The following CACHD1 variants were observed in gnomAD, a reference collection of about 807,000 sequenced individuals.
CACHD1 encodes cache domain containing 1.
Under a neutral mutation model 138.7 loss-of-function variants are expected in CACHD1, and 71 were observed. That is an observed-to-expected ratio of 0.51 (90% CI 0.42 to 0.62). The LOEUF (loss-of-function observed/expected upper bound fraction) is 0.62, where lower values mean the gene tolerates loss of function less well. Ranked by LOEUF, CACHD1 falls within the 20% of genes least tolerant of loss-of-function variation. The pLI, the probability that CACHD1 is intolerant of heterozygous loss-of-function variation, is 0.00. For synonymous variants in CACHD1, 578 were observed against 591.5 expected, an observed-to-expected ratio of 0.98 and a Z score of 0.33; for missense variants, 1,389 against 1,625.3, an observed-to-expected ratio of 0.85 and a Z score of 2.50.
chr1:64,471,600 C>A (rs1042192503), intron 1 of CACHD1, among the ~76,000 whole-genome samples: 3 of 152,224 alleles, frequency 2.0e-5, no homozygotes, highest in Non-Finnish European at 4.4e-5. Context: ...TGGGTAGACT[C>A]CCGACTCTAA....
At chr1:64,613,864 C>T (rs1647613525) in intron 4 of CACHD1, among the ~76,000 whole-genome samples, 1 of 152,162 alleles carries the variant, frequency 6.6e-6, no homozygotes. Context: ...CTGGTGAATT[C>T]ACAATCTCTA....
chr1:64,530,035 G>T (rs1232412651), intron 1 of CACHD1, among the ~76,000 whole-genome samples: 1 of 152,196 alleles, frequency 6.6e-6, no homozygotes, highest in East Asian at 1.9e-4. Context: ...AGATCATTTA[G>T]TGTTTACTGA....
chr1:64,630,334 C>T (rs1354827786), intron 5 of CACHD1, among the ~76,000 whole-genome samples: 1 of 144,770 alleles, frequency 6.9e-6, no homozygotes, highest in Non-Finnish European at 1.5e-5. Flanking sequence ...TGGAGTTTTG[C>T]TCTTGTTGCC....
At chr1:64,621,689 G>A (rs991342980) in intron 4 of CACHD1, among the ~76,000 whole-genome samples, 18 of 152,240 alleles carry the variant, frequency 1.2e-4, no homozygotes, top group African/African-American at 4.3e-4. Flanking sequence ...AATTTTCCCC[G>A]GCCTAAGGAT....
At chr1:64,618,527 A>C (rs2100610514) in intron 4 of CACHD1, among the ~76,000 whole-genome samples, 1 of 152,324 alleles carries the variant, frequency 6.6e-6, no homozygotes, top group Middle Eastern at 3.4e-3. Context: ...TCAAGTGTTC[A>C]ATATGCTTAC....
chr1:64,543,669 A>G (rs1369101769), intron 1 of CACHD1, among the ~76,000 whole-genome samples: 1 of 151,658 alleles, frequency 6.6e-6, no homozygotes, highest in African/African-American at 2.4e-5. Context: ...TGCCGTTTTT[A>G]TTGGGCCTTC....
At chr1:64,663,151 T>G (rs1013816323) in intron 13 of CACHD1, among the ~76,000 whole-genome samples, 3 of 149,868 alleles carry the variant, frequency 2.0e-5, no homozygotes, top group Non-Finnish European at 4.5e-5. Flanking sequence ...AGATCTCAGA[T>G]AGTTTGAAGA....
At chr1:64,663,348 C>T (rs1472762655) in intron 13 of CACHD1, among the ~76,000 whole-genome samples, 2 of 152,014 alleles carry the variant, frequency 1.3e-5, no homozygotes, top group Non-Finnish European at 2.9e-5. Context: ...GTCAGGAGAT[C>T]GAGACCATCC....
At chr1:64,550,738 C>T in intron 2 of CACHD1, 82 bp downstream of exon 2, 2 of 890,278 alleles carry the variant, frequency 2.2e-6, no homozygotes, top group Non-Finnish European at 3.7e-6. Context: ...AAGCAATCTC[C>T]ACTTGAGGTT....
chr1:64,553,608 T>C (rs1209924329), intron 2 of CACHD1, among the ~76,000 whole-genome samples: 1 of 152,192 alleles, frequency 6.6e-6, no homozygotes, highest in African/African-American at 2.4e-5. Flanking sequence ...AACATACATA[T>C]AAATAAATAT....
chr1:64,575,945 A>G (rs1230983905), intron 2 of CACHD1, among the ~76,000 whole-genome samples: 1 of 152,256 alleles, frequency 6.6e-6, no homozygotes. Context: ...TTAAGGGAAA[A>G]GAAATTCAGC....
intron 2 of CACHD1, among the ~76,000 whole-genome samples, chr1:64,566,966 G>A (rs1211412605): frequency 6.6e-6 from 1 of 152,092 alleles, no homozygotes; most frequent in Non-Finnish European, 1.5e-5. Flanking sequence ...TAAATGGTAT[G>A]TGTTGCCTCC....
intron 1 of CACHD1, among the ~76,000 whole-genome samples, chr1:64,513,397 A>G (rs1646436308): frequency 6.6e-6 from 1 of 152,242 alleles, no homozygotes; most frequent in East Asian, 1.9e-4. Flanking sequence ...GCTGTAAGCC[A>G]TAGAGCTATA....
intron 8 of CACHD1, among the ~76,000 whole-genome samples, chr1:64,642,663 C>T (rs553463117): frequency 5.7e-4 from 87 of 152,246 alleles, no homozygotes; most frequent in Middle Eastern, 3.4e-3. Flanking sequence ...TGTATCTCTC[C>T]GCCTGTTAAT....
chr1:64,541,159 C>T (rs903833353), intron 1 of CACHD1, among the ~76,000 whole-genome samples: 3 of 152,118 alleles, frequency 2.0e-5, no homozygotes, highest in Admixed American at 6.5e-5. Context: ...GTTGAGTACC[C>T]AACCAAAATA....
intron 2 of CACHD1, among the ~76,000 whole-genome samples, chr1:64,555,668 G>A (rs754328977): frequency 3.6e-4 from 55 of 151,938 alleles, no homozygotes; most frequent in Non-Finnish European, 6.9e-4. Flanking sequence ...TGATCTGTCC[G>A]CCTCAGTCTC....
Position 64,658,686 on chromosome 1 carries a change from T to A in CACHD1, c.1783-19T>A. On this transcript the variant is annotated intron_variant, in intron 12 of 26. Coordinates refer to ENST00000651257, the MANE Select transcript of CACHD1 (RefSeq NM_020925.4). ...AACCCTCATTTTCTAGGTCAGAAAT[T>A]CTTTATTGATTTTTACAGGTACAAG... 2 of 1,582,668 alleles carry A rather than the reference T, an allele frequency of 1.3e-6. No individual in the cohort carries two copies. Among genetic ancestry groups the A allele is most frequent in the Non-Finnish European group, 1.7e-6 (2 of 1,161,322 alleles).
chr1:64,677,036 GA>G (rs1436098555), intron 22 of CACHD1, 25 bp downstream of exon 22: 5 of 1,541,612 alleles, frequency 3.2e-6, no homozygotes, highest in Non-Finnish European at 8.9e-7. Context: ...GTAAAGAATT[GA>G]GGTTTTCCAG....
intron 26 of CACHD1, among the ~76,000 whole-genome samples, chr1:64,686,758 T>C (rs1198169193): frequency 6.6e-6 from 1 of 152,226 alleles, no homozygotes; most frequent in Non-Finnish European, 1.5e-5. Flanking sequence ...TTAGGCAACA[T>C]TTTTTTCTTT....
Sources: gnomAD v4.1 joint callset for allele counts (sites outside exome capture counted in the v4.1 genomes callset) on GRCh38, gnomAD v4.1.1 for gene constraint, MANE v1.5 for transcripts, NCBI Gene and HGNC (gene_info 2026-07-23, HGNC 2026-07-21) for gene names.